Variants in MKLN1 observed in about 807,000 individuals in gnomAD.
MKLN1 encodes the protein muskelin 1, also known as muskelin.
In MKLN1, 18 loss-of-function variants were observed where a neutral mutation model predicts 99.0. That is an observed-to-expected ratio of 0.18 (90% CI 0.13 to 0.27). The LOEUF (loss-of-function observed/expected upper bound fraction) is 0.27, where lower values mean the gene tolerates loss of function less well. Ranked by LOEUF, MKLN1 falls within the 10% of genes least tolerant of loss-of-function variation. MKLN1 has a pLI of 1.00. For missense variants in MKLN1, 621 were observed against 875.9 expected (o/e 0.71, Z 3.67); for synonymous variants, 288 against 293.2 (o/e 0.98, Z 0.18).
At chr7:131,388,316 C>A (rs545719847) in intron 3 of MKLN1, among the ~76,000 whole-genome samples, 1 of 152,236 alleles carries the variant, frequency 6.6e-6, no homozygotes, top group East Asian at 1.9e-4. Flanking sequence ...GTGACTTTCC[C>A]ATAAATCATT....
intron 1 of MKLN1, among the ~76,000 whole-genome samples, chr7:131,345,173 T>TA (rs1038483717): frequency 7.9e-5 from 12 of 152,180 alleles, no homozygotes; most frequent in African/African-American, 1.7e-4. Context: ...TGGAAGGTGG[T>TA]AAAAAAAATT....
chr7:131,439,420 C>G (rs7794037), intron 10 of MKLN1, among the ~76,000 whole-genome samples: 1,810 of 152,124 alleles, frequency 0.012, 25 homozygotes, highest in Middle Eastern at 0.044. Context: ...TTAAATAATG[C>G]ATGGTTTTCA....
intron 2 of MKLN1, among the ~76,000 whole-genome samples, chr7:131,157,913 G>T (rs1795992259): frequency 6.6e-6 from 1 of 152,126 alleles, no homozygotes; most frequent in Non-Finnish European, 1.5e-5. Context: ...GGTTTCCGGA[G>T]CCTATTAAGG....
intron 3 of MKLN1, among the ~76,000 whole-genome samples, chr7:131,307,165 A>C (rs539356577): frequency 6.6e-6 from 1 of 152,118 alleles, no homozygotes; most frequent in African/African-American, 2.4e-5. Flanking sequence ...GGTGGCTTCT[A>C]TGTGGTATTG....
chr7:131,406,186 A>G (rs1389251289), intron 6 of MKLN1, among the ~76,000 whole-genome samples: 2 of 152,004 alleles, frequency 1.3e-5, no homozygotes, highest in Admixed American at 6.6e-5. Flanking sequence ...GGTAAATTGT[A>G]TTAAGATCTG....
Position 131,476,447 on chromosome 7 carries a change from A to G in MKLN1, c.2032-2176A>G, listed in dbSNP as rs145390031. ...TAGGACAAGTGAATTTAGCAAGATTACAAAAATACAAGGTCAATAGAAAAA... is the reference window on the plus strand; with the variant it reads ...TAGGACAAGTGAATTTAGCAAGATTGCAAAAATACAAGGTCAATAGAAAAA... On this transcript the variant is annotated intron_variant, in intron 16 of 17. Coordinates refer to ENST00000352689, the MANE Select transcript of MKLN1 (RefSeq NM_013255.5). 3.4e-3 allele frequency among the ~76,000 whole-genome samples: 517 copies of G among 152,340 alleles called. 1 individual carries two copies. Among genetic ancestry groups the G allele is most frequent in the African/African-American group, 0.012 (491 of 41,590 alleles).
At chr7:131,192,077 AC>A (rs1355586711) in intron 2 of MKLN1, among the ~76,000 whole-genome samples, 8,345 of 109,542 alleles carry the variant, frequency 0.076, 841 homozygotes, top group Non-Finnish European at 0.088. Context: ...TTATATATAT[AC>A]ATATATATTA....
chr7:131,328,195 G>A, intron 1 of MKLN1, 198 bp downstream of exon 1: 1 of 648,762 alleles, frequency 1.5e-6, no homozygotes, highest in East Asian at 2.9e-5. Flanking sequence ...TCCGGAGAGC[G>A]AGCCCAGGGA....
At chr7:131,287,420 C>T (rs55756211) in intron 3 of MKLN1, among the ~76,000 whole-genome samples, 18,334 of 152,212 alleles carry the variant, frequency 0.12, 1,190 homozygotes, top group East Asian at 0.2. Flanking sequence ...CTGGGGGCCC[C>T]AGGCCTTCCT....
chr7:131,144,118 C>T (rs1287734382), intron 2 of MKLN1, among the ~76,000 whole-genome samples: 3 of 152,092 alleles, frequency 2.0e-5, no homozygotes, highest in Non-Finnish European at 2.9e-5. Context: ...ACTAGATGCT[C>T]AGCACTTGGA....
upstream of MKLN1, chr7:131,323,346 C>T (rs1405696742): frequency 1.3e-5 from 2 of 152,128 alleles, no homozygotes; most frequent in Admixed American, 1.3e-4. Context: ...AACATAGTTT[C>T]AAATATCCCT....
intron 3 of MKLN1, among the ~76,000 whole-genome samples, chr7:131,238,131 AG>A (rs1671594068): frequency 6.6e-6 from 1 of 152,110 alleles, no homozygotes; most frequent in African/African-American, 2.4e-5. Flanking sequence ...TGGGCGACAG[AG>A]TGAGACCCTG....
chr7:131,432,687 C>T (rs1402925014), intron 9 of MKLN1, among the ~76,000 whole-genome samples: 3 of 152,130 alleles, frequency 2.0e-5, no homozygotes, highest in African/African-American at 7.2e-5. Flanking sequence ...ACCTCGTAAT[C>T]CACTGGCCTC....
rs988122637 is a variant in MKLN1 at position 131,492,813 on chromosome 7, A to T, written c.*5085A>T. 2.0e-5 allele frequency: 3 copies of T among 152,082 alleles called. No homozygotes were observed. The highest frequency in any genetic ancestry group is 4.4e-5 in the Non-Finnish European group (3 of 68,040). The allele number at this position is 152,082 out of a possible 1,614,324, so 9.4% of individuals were successfully genotyped here. A position where few individuals can be genotyped will look rare whatever the true frequency, so the allele number is the denominator to read the frequency against. The stretch of plus-strand genomic sequence containing the variant: ...CTCTTAGGCCAGTCATAGCCAATGA[A>T]ATCATCTGACGGTAGCTTCTGTAGC... On this transcript the variant is annotated 3_prime_UTR_variant, in exon 18 of 18. Transcript: ENST00000352689.
rs534862004 is a variant in MKLN1 at position 131,140,689 on chromosome 7, T to A, written c.-418-2131T>A. 6.6e-5 allele frequency among the ~76,000 whole-genome samples: 10 copies of A among 152,246 alleles called. No homozygotes were observed. In the South Asian group the frequency reaches 1.7e-3, roughly 25 times the overall value. On this transcript the variant is annotated intron_variant, in intron 1 of 7. Transcript: ENST00000416992. ...GCTTCTTATACGGCCTGCAGAACTG[T>A]GAGCCAAATAAACCTTTTTTCTTTA...
At chr7:131,181,090 T>A (rs1002463241) in intron 2 of MKLN1, among the ~76,000 whole-genome samples, 2 of 152,180 alleles carry the variant, frequency 1.3e-5, no homozygotes, top group Non-Finnish European at 2.9e-5. Flanking sequence ...CCCCTTCCCA[T>A]CACCATTATT....
chr7:131,131,818 G>C (rs1012908819), intron 1 of MKLN1, among the ~76,000 whole-genome samples: 2 of 152,166 alleles, frequency 1.3e-5, no homozygotes, highest in Non-Finnish European at 1.5e-5. Context: ...CAAAGAAAAG[G>C]AAGGCAAGAA....
chr7:131,205,853 TCTCTGTGA>T (rs1423315632), intron 3 of MKLN1, among the ~76,000 whole-genome samples: 1 of 151,932 alleles, frequency 6.6e-6, no homozygotes, highest in African/African-American at 2.4e-5. Flanking sequence ...ACCTCTGGAA[TCTCTGTGA>T]CTTTCCTCTT....
chr7:131,209,062 A>T (rs1796860758), intron 3 of MKLN1, among the ~76,000 whole-genome samples: 1 of 152,152 alleles, frequency 6.6e-6, no homozygotes, highest in Non-Finnish European at 1.5e-5. Context: ...AATGAAGAGC[A>T]CTCTACGTGG....
Sources: allele counts gnomAD v4.1 joint callset (sites outside exome capture counted in the v4.1 genomes callset), GRCh38; gene constraint gnomAD v4.1.1; transcripts MANE v1.5; gene names NCBI Gene and HGNC (gene_info 2026-07-23, HGNC 2026-07-21).